IGF2BP3: variants seen among roughly 807,000 people sequenced by gnomAD.
IGF2BP3 encodes the protein insulin-like growth factor 2 mRNA-binding protein 3.
Under a neutral mutation model 73.8 loss-of-function variants are expected in IGF2BP3, and 9 were observed. That is an observed-to-expected ratio of 0.12 (90% CI 0.07 to 0.21). The LOEUF is 0.21. IGF2BP3 is among the 10% of genes least tolerant of loss of function. The pLI, the probability that IGF2BP3 is intolerant of heterozygous loss-of-function variation, is 1.00. For missense variants in IGF2BP3, 542 were observed against 714.0 expected (o/e 0.76, Z 2.75); for synonymous variants, 258 against 256.7 (o/e 1.01, Z -0.05).
chr7:23,339,832 G>C (rs1784663928), intron 10 of IGF2BP3, among the ~76,000 whole-genome samples: 3 of 152,086 alleles, frequency 2.0e-5, no homozygotes, highest in Admixed American at 2.0e-4. Flanking sequence ...AAGTGTTGGG[G>C]ACACACCTGC....
intron 10 of IGF2BP3, among the ~76,000 whole-genome samples, chr7:23,335,873 G>A (rs930807437): frequency 7.2e-5 from 11 of 152,164 alleles, no homozygotes; most frequent in African/African-American, 1.9e-4. Flanking sequence ...TCTGAAAGGC[G>A]CGTTTCCTGT....
intron 2 of IGF2BP3, among the ~76,000 whole-genome samples, chr7:23,435,292 CAAAAAAAAAAAAAAAA>C (rs35846648): frequency 2.1e-5 from 1 of 47,942 alleles, no homozygotes; most frequent in Non-Finnish European, 3.6e-5. Context: ...GACTCTGTCT[CAAAAAAAAAAAAAAAA>C]AAAAAAAAAA....
intron 2 of IGF2BP3, among the ~76,000 whole-genome samples, chr7:23,420,506 T>TA (rs1352273768): frequency 6.6e-6 from 1 of 151,358 alleles, no homozygotes; most frequent in African/African-American, 2.4e-5. Context: ...AAAAGAAAAA[T>TA]AAAAAACAGA....
At chr7:23,401,591 C>A (rs1300094074) in intron 3 of IGF2BP3, among the ~76,000 whole-genome samples, 2 of 151,704 alleles carry the variant, frequency 1.3e-5, no homozygotes, top group Non-Finnish European at 2.9e-5. Context: ...ACGGTGAAAC[C>A]CTGTCTCTAC....
At chr7:23,321,856 G>A (rs1407124763) in intron 10 of IGF2BP3, among the ~76,000 whole-genome samples, 1 of 152,184 alleles carries the variant, frequency 6.6e-6, no homozygotes, top group African/African-American at 2.4e-5. Flanking sequence ...ACCTGCAGCT[G>A]AGGGTCCTGT....
intron 3 of IGF2BP3, chr7:23,414,077 G>A (rs1225144469): frequency 6.6e-6 from 1 of 152,024 alleles, no homozygotes; most frequent in Non-Finnish European, 1.5e-5. Context: ...TTGAACCCAG[G>A]AGGCAGAGGC....
chr7:23,439,969 A>G (rs1787893857), intron 2 of IGF2BP3, among the ~76,000 whole-genome samples: 2 of 152,286 alleles, frequency 1.3e-5, no homozygotes, highest in East Asian at 3.9e-4. Context: ...TCTTTTTTGA[A>G]AGCTTTACAA....
intron 2 of IGF2BP3, among the ~76,000 whole-genome samples, chr7:23,444,252 A>G (rs1788003942): frequency 6.6e-6 from 1 of 152,146 alleles, no homozygotes; most frequent in Non-Finnish European, 1.5e-5. Flanking sequence ...AAAATCTTTA[A>G]CAAGTACAAT....
intron 10 of IGF2BP3, among the ~76,000 whole-genome samples, chr7:23,326,875 C>G (rs1167591180): frequency 7.4e-6 from 1 of 134,666 alleles, no homozygotes; most frequent in Non-Finnish European, 1.6e-5. Flanking sequence ...AATGAGAACA[C>G]ATGGACACAG....
intron 5 of IGF2BP3, among the ~76,000 whole-genome samples, chr7:23,352,529 T>C (rs1033985619): frequency 2.6e-5 from 4 of 152,144 alleles, no homozygotes; most frequent in African/African-American, 9.7e-5. Context: ...CCTCAAGTGA[T>C]CTGCTGCATT....
intron 3 of IGF2BP3, among the ~76,000 whole-genome samples, chr7:23,412,042 G>A (rs958043507): frequency 4.8e-5 from 7 of 144,762 alleles, no homozygotes; most frequent in Non-Finnish European, 8.9e-5. Context: ...GAGTACAGTG[G>A]CACAATTTCA....
rs368956691 is a variant in IGF2BP3 at position 23,391,505 on chromosome 7, A to T, written c.285+27271T>A. Among the ~76,000 whole-genome samples, 5 of 152,176 alleles carry T rather than the reference A, an allele frequency of 3.3e-5. No homozygotes were observed. The East Asian group carries it at 7.7e-4, about 23-fold the overall frequency. ...GTGCAAGGACAGCTTTAACAGCTGT[A>T]ATGGGTTTAGACACTCAGACTTTCT... is the stretch of plus-strand genomic sequence containing the variant. On this transcript the variant is annotated intron_variant, in intron 3 of 14. Transcript: ENST00000258729.
intron 3 of IGF2BP3, among the ~76,000 whole-genome samples, chr7:23,403,950 C>G (rs972099428): frequency 3.0e-4 from 45 of 151,422 alleles, no homozygotes; most frequent in African/African-American, 1.0e-3. Context: ...TAGCAAGACC[C>G]TGTTTGTAAA....
At chr7:23,321,293 G>C (rs975193680) in intron 10 of IGF2BP3, among the ~76,000 whole-genome samples, 2 of 152,318 alleles carry the variant, frequency 1.3e-5, no homozygotes, top group African/African-American at 2.4e-5. Context: ...CCCTTTCCTA[G>C]TCAAAGAAAG....
chr7:23,361,751 G>A lies in IGF2BP3; in HGVS notation c.286-10C>T. Reference sequence around the variant, plus strand: ...GTAAACTATCCAGCACCTATCAGGAGGGGGAGAGAAAATTATAAATTTTGA... The same window carrying A: ...GTAAACTATCCAGCACCTATCAGGAAGGGGAGAGAAAATTATAAATTTTGA... On this transcript the variant is annotated splice_polypyrimidine_tract_variant and intron_variant, in intron 3 of 14. Transcript: ENST00000258729. 2 of 1,597,764 alleles carry A rather than the reference G, an allele frequency of 1.3e-6. No individual in the cohort carries two copies. Among genetic ancestry groups the A allele is most frequent in the Non-Finnish European group, 1.7e-6 (2 of 1,174,008 alleles).
Position 23,311,117 on chromosome 7 carries a change from T to G in IGF2BP3, c.*1245A>C, listed in dbSNP as rs1783815525. 6.6e-6 allele frequency: 1 copy of G among 152,122 alleles called. No homozygotes were observed. The highest frequency in any genetic ancestry group is 6.5e-5 in the Admixed American group (1 of 15,272). 9.4% of individuals were successfully genotyped at this position (152,122 alleles called of 1,614,324 possible). ...TTACTACTTAAGGTGGAGTCTAATT[T>G]TTTTTTTTTAATTTATCAGTGCTTA... is the stretch of plus-strand genomic sequence containing the variant. On this transcript the variant is annotated 3_prime_UTR_variant, in exon 15 of 15. Transcript: ENST00000258729.
At position 23,310,724 on chromosome 7, in the gene IGF2BP3, A is replaced by C. The variant is rs1374234705; in HGVS notation, c.*1638T>G. 1 of 152,236 alleles carries C rather than the reference A, an allele frequency of 6.6e-6. No individual in the cohort carries two copies. The allele number at this position is 152,236 out of a possible 1,614,324, so 9.4% of individuals were successfully genotyped here. On this transcript the variant is annotated 3_prime_UTR_variant, in exon 15 of 15. Transcript: ENST00000258729. ...ACTTTAAATCATTTTCAAAATGTCT[A>C]ATTGATCTTCAGAAAAACATCTAGT...
intron 13 of IGF2BP3, 130 bp downstream of exon 13, chr7:23,313,392 C>T: frequency 1.0e-6 from 1 of 1,000,728 alleles, no homozygotes; most frequent in Non-Finnish European, 1.5e-6. Context: ...AAAAGGCAAT[C>T]TTCTCCAAAC....
intron 2 of IGF2BP3, among the ~76,000 whole-genome samples, chr7:23,424,128 A>T (rs922647190): frequency 4.6e-5 from 7 of 151,352 alleles, no homozygotes; most frequent in African/African-American, 7.3e-5. Context: ...AAACAAAAAA[A>T]TTTTTTTTTC....
Sources: gnomAD v4.1 joint callset for allele counts (sites outside exome capture counted in the v4.1 genomes callset) on GRCh38, gnomAD v4.1.1 for gene constraint, MANE v1.5 for transcripts, NCBI Gene and HGNC (gene_info 2026-07-23, HGNC 2026-07-21) for gene names.